Variants in FRAS1 observed in about 807,000 individuals in gnomAD.
The protein encoded by FRAS1 is extracellular matrix organizing protein FRAS1.
In FRAS1, 290 loss-of-function variants were observed where a neutral mutation model predicts 435.2. The ratio of observed to expected loss-of-function variants is 0.67; its 90% CI spans 0.61 to 0.73. The LOEUF (loss-of-function observed/expected upper bound fraction) is 0.73, where lower values mean the gene tolerates loss of function less well. Ranked by LOEUF, FRAS1 falls within the 30% of genes least tolerant of loss-of-function variation. FRAS1 has a pLI of 0.00. For missense variants in FRAS1, 4,860 were observed against 5,001.5 expected, an observed-to-expected ratio of 0.97 and a Z score of 0.85; for synonymous variants, 1,800 against 1,851.0, an observed-to-expected ratio of 0.97 and a Z score of 0.71.
intron 2 of FRAS1, among the ~76,000 whole-genome samples, chr4:78,194,649 T>G (rs775954802): frequency 6.6e-6 from 1 of 152,232 alleles, no homozygotes; most frequent in Non-Finnish European, 1.5e-5. Flanking sequence ...TTCTCTGAAT[T>G]GGTTATTCTG....
At chr4:78,315,117 A>G (rs768326223) in intron 15 of FRAS1, among the ~76,000 whole-genome samples, 11 of 152,228 alleles carry the variant, frequency 7.2e-5, no homozygotes, top group African/African-American at 2.7e-4. Flanking sequence ...CAATTTTAAC[A>G]TAATTTTAGT....
intron 15 of FRAS1, among the ~76,000 whole-genome samples, chr4:78,312,123 C>G (rs1729048328): frequency 6.7e-6 from 1 of 148,658 alleles, no homozygotes. Flanking sequence ...AAATTAATCT[C>G]TCTTCTATTA....
At chr4:78,178,902 A>G (rs1309457493) in intron 2 of FRAS1, among the ~76,000 whole-genome samples, 1 of 152,198 alleles carries the variant, frequency 6.6e-6, no homozygotes, top group African/African-American at 2.4e-5. Flanking sequence ...GGTATAGAGT[A>G]GGTATTCAAT....
intron 35 of FRAS1, among the ~76,000 whole-genome samples, chr4:78,425,587 C>A (rs190706552): frequency 1.1e-4 from 16 of 152,270 alleles, no homozygotes; most frequent in Middle Eastern, 3.4e-3. Context: ...TTCCTTTCTT[C>A]TATGAGGATT....
At chr4:78,117,449 C>T (rs1452106408) in intron 2 of FRAS1, among the ~76,000 whole-genome samples, 2 of 152,130 alleles carry the variant, frequency 1.3e-5, no homozygotes, top group African/African-American at 4.8e-5. Flanking sequence ...TTCCGTTCTC[C>T]CTGTCACTTT....
intron 2 of FRAS1, among the ~76,000 whole-genome samples, chr4:78,198,007 A>G (rs374974485): frequency 7.9e-5 from 12 of 151,628 alleles, no homozygotes; most frequent in African/African-American, 9.7e-5. Flanking sequence ...GATGCTTTTT[A>G]TGCTTTCCTT....
chr4:78,237,894 T>C (rs2110115377), intron 3 of FRAS1, among the ~76,000 whole-genome samples: 1 of 152,314 alleles, frequency 6.6e-6, no homozygotes, highest in African/African-American at 2.4e-5. Flanking sequence ...TCCCATTTAA[T>C]ATTATGTGGG....
chr4:78,315,206 G>C (rs1002714901), intron 15 of FRAS1, among the ~76,000 whole-genome samples: 2 of 152,070 alleles, frequency 1.3e-5, no homozygotes, highest in Admixed American at 1.3e-4. Flanking sequence ...AAAATATTTG[G>C]TACATACTTA....
At chr4:78,525,563 T>A (rs1486291691) in intron 69 of FRAS1, among the ~76,000 whole-genome samples, 1 of 152,236 alleles carries the variant, frequency 6.6e-6, no homozygotes, top group African/African-American at 2.4e-5. Flanking sequence ...ATCTTTGCTG[T>A]CAATTTACTG....
At chr4:78,311,321 T>G (rs1220469531) in intron 15 of FRAS1, among the ~76,000 whole-genome samples, 1 of 152,210 alleles carries the variant, frequency 6.6e-6, no homozygotes, top group Non-Finnish European at 1.5e-5. Flanking sequence ...TTAATTTTCT[T>G]GAGATGTTAC....
chr4:78,447,852 T>C (rs571837184), intron 43 of FRAS1, among the ~76,000 whole-genome samples: 5 of 152,298 alleles, frequency 3.3e-5, no homozygotes, highest in African/African-American at 9.6e-5. Context: ...AGTGGGACTT[T>C]GTCTTCTTTA....
intron 2 of FRAS1, among the ~76,000 whole-genome samples, chr4:78,185,491 G>A (rs967613985): frequency 1.3e-5 from 2 of 152,264 alleles, no homozygotes; most frequent in Admixed American, 6.5e-5. Context: ...TTTAGAGGCT[G>A]TTTGTAAGCT....
chr4:78,060,392 T>C (rs918216709), intron 1 of FRAS1, among the ~76,000 whole-genome samples: 3 of 152,244 alleles, frequency 2.0e-5, no homozygotes, highest in Non-Finnish European at 4.4e-5. Flanking sequence ...TTTGATGGGA[T>C]GTACCTTGTG....
chr4:78,274,664 A>G (rs1174442721), intron 9 of FRAS1, among the ~76,000 whole-genome samples: 1 of 152,138 alleles, frequency 6.6e-6, no homozygotes, highest in Non-Finnish European at 1.5e-5. Flanking sequence ...GTTTGATTGC[A>G]CTGTGGTCTG....
At chr4:78,509,244 A>C (rs558847686) in intron 63 of FRAS1, among the ~76,000 whole-genome samples, 1 of 152,372 alleles carries the variant, frequency 6.6e-6, no homozygotes, top group Admixed American at 6.5e-5. Context: ...TAAACTAAAT[A>C]ATGTTAAGAG....
chr4:78,144,835 T>C (rs1720351502), intron 2 of FRAS1, among the ~76,000 whole-genome samples: 1 of 152,226 alleles, frequency 6.6e-6, no homozygotes, highest in Admixed American at 6.5e-5. Context: ...TGTATGCATG[T>C]TCCTAAATTT....
At chr4:78,215,183 TTTATTATTA>T (rs147112471) in intron 2 of FRAS1, among the ~76,000 whole-genome samples, 4 of 148,992 alleles carry the variant, frequency 2.7e-5, no homozygotes, top group East Asian at 2.0e-4. Flanking sequence ...ATTTACCATC[TTTATTATTA>T]TTATTATTAT....
intron 2 of FRAS1, among the ~76,000 whole-genome samples, chr4:78,117,600 C>T (rs370540064): frequency 8.5e-5 from 13 of 152,258 alleles, no homozygotes; most frequent in Admixed American, 3.3e-4. Context: ...GTCACTGATA[C>T]CCTTTCTTCT....
intron 6 of FRAS1, 62 bp from the exon 7 acceptor site, chr4:78,264,963 C>A (rs1726277404): frequency 2.0e-6 from 2 of 992,062 alleles, no homozygotes; most frequent in African/African-American, 1.6e-5. Flanking sequence ...TGAAATTTTC[C>A]TGCTGTTGTG....
Sources: gnomAD v4.1 joint callset for allele counts (sites outside exome capture counted in the v4.1 genomes callset) on GRCh38, gnomAD v4.1.1 for gene constraint, MANE v1.5 for transcripts, NCBI Gene and HGNC (gene_info 2026-07-23, HGNC 2026-07-21) for gene names.